The following RFX7 variants were observed in gnomAD, a reference collection of about 807,000 sequenced individuals.
RFX7 encodes the protein regulatory factor X7.
Under a neutral mutation model 111.8 loss-of-function variants are expected in RFX7, and 26 were observed. The observed-to-expected ratio is 0.23, with a 90% CI of 0.17 to 0.32. The LOEUF (loss-of-function observed/expected upper bound fraction) is 0.32, where lower values mean the gene tolerates loss of function less well. RFX7 is among the 10% of genes least tolerant of loss of function. RFX7 has a pLI of 1.00. For missense variants in RFX7, 1,573 were observed against 1,772.9 expected (o/e 0.89, Z 2.02); for synonymous variants, 624 against 624.4 (o/e 1.00, Z 0.01).
intron 9 of RFX7, among the ~76,000 whole-genome samples, chr15:56,097,639 C>T (rs949135185): frequency 7.5e-5 from 11 of 146,120 alleles, no homozygotes; most frequent in Non-Finnish European, 1.2e-4. Context: ...CCCAGTTACT[C>T]GGGAGGCTGA....
intron 3 of RFX7, among the ~76,000 whole-genome samples, chr15:56,176,874 A>G (rs914183797): frequency 2.0e-5 from 3 of 151,998 alleles, no homozygotes; most frequent in Non-Finnish European, 4.4e-5. Flanking sequence ...GCAATAGCCT[A>G]ACTAATTTTC....
intron 3 of RFX7, among the ~76,000 whole-genome samples, chr15:56,159,174 TC>T (rs1257974203): frequency 2.0e-5 from 3 of 152,170 alleles, no homozygotes; most frequent in Admixed American, 6.5e-5. Flanking sequence ...TAACAGAAGT[TC>T]CCCCCTTTTA....
At chr15:56,117,935 G>T (rs550187863) in intron 5 of RFX7, among the ~76,000 whole-genome samples, 1 of 152,074 alleles carries the variant, frequency 6.6e-6, no homozygotes, top group South Asian at 2.1e-4. Context: ...CCATGGGGGC[G>T]TTAGGTGTCT....
intron 5 of RFX7, among the ~76,000 whole-genome samples, chr15:56,110,129 G>A (rs1299662802): frequency 2.0e-4 from 28 of 136,976 alleles, no homozygotes; most frequent in East Asian, 9.2e-4. Flanking sequence ...CGCCCAGTCC[G>A]GGAGGGAGGT....
intron 5 of RFX7, among the ~76,000 whole-genome samples, chr15:56,137,464 C>T (rs2042320841): frequency 6.6e-6 from 1 of 151,908 alleles, no homozygotes; most frequent in South Asian, 2.1e-4. Flanking sequence ...TGGTGATATC[C>T]CCTTTATCAT....
At chr15:56,223,120 T>G (rs1461530929) in intron 2 of RFX7, among the ~76,000 whole-genome samples, 1 of 152,176 alleles carries the variant, frequency 6.6e-6, no homozygotes, top group African/African-American at 2.4e-5. Flanking sequence ...TGTTTGAAAT[T>G]ATGTCTTTCA....
At chr15:56,173,548 CG>C (rs1567036459) in intron 3 of RFX7, among the ~76,000 whole-genome samples, 4 of 152,174 alleles carry the variant, frequency 2.6e-5, no homozygotes, top group African/African-American at 9.7e-5. Context: ...TGGGAAGCCA[CG>C]GCAAGTGGAT....
At chr15:56,204,547 A>C (rs1312631319) in intron 2 of RFX7, among the ~76,000 whole-genome samples, 2 of 152,204 alleles carry the variant, frequency 1.3e-5, no homozygotes, top group African/African-American at 4.8e-5. Flanking sequence ...CAATATGAGA[A>C]TATTGTAGGC....
chr15:56,160,414 T>C (rs987588994), intron 3 of RFX7, among the ~76,000 whole-genome samples: 2 of 151,978 alleles, frequency 1.3e-5, no homozygotes, highest in African/African-American at 4.8e-5. Context: ...TCCAGAAACC[T>C]AAATAATCAA....
intron 5 of RFX7, among the ~76,000 whole-genome samples, chr15:56,118,858 T>C (rs1482821892): frequency 1.3e-5 from 2 of 152,216 alleles, no homozygotes; most frequent in Non-Finnish European, 2.9e-5. Context: ...TCATCATTTG[T>C]TATTGTCTGT....
intron 9 of RFX7, 69 bp downstream of exon 9, chr15:56,098,012 T>C: frequency 1.4e-6 from 2 of 1,446,042 alleles, no homozygotes; most frequent in Non-Finnish European, 9.6e-7. Context: ...TCTTTTCATC[T>C]GCCACTTTTA....
chr15:56,110,232 T>C (rs1595931695), intron 5 of RFX7, among the ~76,000 whole-genome samples: 3 of 89,668 alleles, frequency 3.3e-5, no homozygotes, highest in Admixed American at 1.2e-4. Context: ...GAGGAGCCCC[T>C]CTGCCCGGCC....
chr15:56,203,660 C>G (rs1226069390), intron 2 of RFX7, among the ~76,000 whole-genome samples: 1 of 152,184 alleles, frequency 6.6e-6, no homozygotes. Context: ...CCAAAACCCA[C>G]CAAAACCAAA....
At chr15:56,137,165 G>A (rs1408620179) in intron 5 of RFX7, among the ~76,000 whole-genome samples, 1 of 152,014 alleles carries the variant, frequency 6.6e-6, no homozygotes, top group African/African-American at 2.4e-5. Context: ...TTTTTCTATT[G>A]ATTGGAATAG....
intron 8 of RFX7, among the ~76,000 whole-genome samples, chr15:56,098,754 C>G (rs79560909): frequency 0.028 from 4,284 of 152,226 alleles, 200 homozygotes; most frequent in African/African-American, 0.097. Context: ...CCCCCCATTT[C>G]TAATCAGAAA....
In RFX7 at chr15:56,087,805, G is replaced by A. The variant is rs2041546593; in HGVS notation, c.*5540C>T. On this transcript the variant is annotated 3_prime_UTR_variant, in exon 10 of 10. Coordinates refer to ENST00000559447, the MANE Select transcript of RFX7 (RefSeq NM_022841.7). ...TGTCTTCTCTAGCACCTTGTACAGA[G>A]ACTGACATATTTTAGGCACTTTATC... The A allele has an allele frequency of 6.5e-6, 2 of 309,108 alleles. No homozygotes were observed. The highest frequency in any genetic ancestry group is 5.6e-5 in the South Asian group (2 of 35,836). 19.1% of individuals were successfully genotyped at this position (309,108 alleles called of 1,614,324 possible).
chr15:56,240,821 T>A (rs1260868046), intron 2 of RFX7, among the ~76,000 whole-genome samples: 1 of 152,124 alleles, frequency 6.6e-6, no homozygotes, highest in Non-Finnish European at 1.5e-5. Context: ...GTCTCAAAAA[T>A]GTGAAATATC....
chr15:56,216,606 A>T (rs530442872), intron 2 of RFX7, among the ~76,000 whole-genome samples: 1 of 152,266 alleles, frequency 6.6e-6, no homozygotes, highest in Non-Finnish European at 1.5e-5. Context: ...TTTCTATTTA[A>T]TCAATTTCTA....
chr15:56,149,828 C>A lies in RFX7; in HGVS notation c.196-5345G>T, dbSNP rs138469748. Among the ~76,000 whole-genome samples the A allele has an allele frequency of 9.3e-3, 1,411 of 151,994 alleles. 17 individuals are homozygous for A. Among genetic ancestry groups the A allele is most frequent in the African/African-American group, 0.032 (1,341 of 41,442 alleles). The stretch of plus-strand genomic sequence containing the variant: ...TTTTTTTTTTTCTTCTTTGCCATAC[C>A]CCAGTGGCATGTGGAATGCCACTAA... On this transcript the variant is annotated intron_variant, in intron 3 of 9. Coordinates refer to ENST00000559447, the MANE Select transcript of RFX7 (RefSeq NM_022841.7).
Sources: allele counts gnomAD v4.1 joint callset (sites outside exome capture counted in the v4.1 genomes callset), GRCh38; gene constraint gnomAD v4.1.1; transcripts MANE v1.5; gene names NCBI Gene and HGNC (gene_info 2026-07-23, HGNC 2026-07-21).